Variants in CRB1 observed in about 807,000 individuals in gnomAD.
CRB1 encodes crumbs cell polarity complex component 1.
A neutral mutation model predicts 120.0 loss-of-function variants in CRB1; 83 were observed. That is an observed-to-expected ratio of 0.69 (90% CI 0.58 to 0.83). The LOEUF (loss-of-function observed/expected upper bound fraction) is 0.83. Among genes scored for constraint, CRB1 ranks in the 40% least tolerant of loss-of-function variants. CRB1 has a pLI of 0.00. For synonymous variants in CRB1, 625 were observed against 612.5 expected, an observed-to-expected ratio of 1.02 and a Z score of -0.30; for missense variants, 1,699 against 1,687.6, an observed-to-expected ratio of 1.01 and a Z score of -0.12.
chr1:197,245,240 T>C, the CRB1 span, among the ~76,000 whole-genome samples: 39 of 152,202 alleles, frequency 2.6e-4, no homozygotes, highest in Middle Eastern at 3.4e-3. Flanking sequence ...GGCCCCGGTG[T>C]GTGGAGACTT....
intron 9 of CRB1, among the ~76,000 whole-genome samples, chr1:197,436,362 G>T (rs1665163107): frequency 6.6e-6 from 1 of 151,994 alleles, no homozygotes; most frequent in African/African-American, 2.4e-5. Flanking sequence ...GGATGAAGAG[G>T]AAGAGAAGGG....
At chr1:197,351,933 A>G (rs573177738) in intron 4 of CRB1, among the ~76,000 whole-genome samples, 1 of 152,320 alleles carries the variant, frequency 6.6e-6, no homozygotes, top group African/African-American at 2.4e-5. Flanking sequence ...AAACTACTCT[A>G]TATCTAAGAA....
intron 11 of CRB1, among the ~76,000 whole-genome samples, chr1:197,469,343 T>C (rs1296929901): frequency 6.6e-6 from 1 of 152,078 alleles, no homozygotes; most frequent in Non-Finnish European, 1.5e-5. Flanking sequence ...TGGGGCTGGA[T>C]GGAGGATGTA....
At chr1:197,257,286 A>T in the CRB1 span, among the ~76,000 whole-genome samples, 10 of 152,138 alleles carry the variant, frequency 6.6e-5, no homozygotes, top group Non-Finnish European at 1.5e-4. Flanking sequence ...GGATTGGATG[A>T]TGCCCGCCCG....
chr1:197,289,205 T>A (rs1180668480), intron 1 of CRB1, among the ~76,000 whole-genome samples: 4 of 151,884 alleles, frequency 2.6e-5, no homozygotes, highest in African/African-American at 9.7e-5. Context: ...CCCATTTTCT[T>A]TCTTAATTAT....
At chr1:197,352,111 T>C (rs1044227563) in intron 4 of CRB1, among the ~76,000 whole-genome samples, 3 of 152,312 alleles carry the variant, frequency 2.0e-5, no homozygotes, top group Middle Eastern at 3.4e-3. Context: ...CCAGATGTGA[T>C]TGGAATTGTT....
chr1:197,322,244 G>A (rs1371854199), intron 1 of CRB1, among the ~76,000 whole-genome samples: 1 of 152,024 alleles, frequency 6.6e-6, no homozygotes, highest in Non-Finnish European at 1.5e-5. Flanking sequence ...ACATTGGGGG[G>A]CCGAGGTAGA....
At chr1:197,436,036 A>G (rs999745967) in intron 9 of CRB1, among the ~76,000 whole-genome samples, 3 of 152,072 alleles carry the variant, frequency 2.0e-5, no homozygotes, top group African/African-American at 7.2e-5. Flanking sequence ...AATCCCGAAA[A>G]CAGTACATTA....
At chr1:197,266,815 A>G (rs950209362), upstream of CRB1, among the ~76,000 whole-genome samples, 9 of 152,152 alleles carry the variant, frequency 5.9e-5, no homozygotes, top group African/African-American at 1.4e-4. Context: ...TTCTAATACC[A>G]TAAGATTCTT....
chr1:197,379,605 C>CAAA (rs75820081), intron 5 of CRB1, among the ~76,000 whole-genome samples: 1,665 of 73,958 alleles, frequency 0.023, 32 homozygotes, highest in African/African-American at 0.067. Context: ...CGGCCCCGGC[C>CAAA]AAAAAAAAAA....
At chr1:197,244,738 A>C in the CRB1 span, among the ~76,000 whole-genome samples, 1 of 151,646 alleles carries the variant, frequency 6.6e-6, no homozygotes, top group Non-Finnish European at 1.5e-5. Flanking sequence ...TTATTTCTTC[A>C]AATAGTTTTT....
At chr1:197,429,129 T>C in intron 7 of CRB1, 1 of 1,532,794 alleles carries the variant, frequency 6.5e-7, no homozygotes, top group South Asian at 1.2e-5. Context: ...CTTCCTCAAA[T>C]GATAATTAGT....
intron 5 of CRB1, among the ~76,000 whole-genome samples, chr1:197,372,926 C>T (rs1459033149): frequency 1.3e-5 from 2 of 152,126 alleles, no homozygotes; most frequent in Admixed American, 1.3e-4. Flanking sequence ...AGATTGTCAA[C>T]TGCAGCTGCT....
chr1:197,400,999 G>A (rs1390486573), intron 5 of CRB1, among the ~76,000 whole-genome samples: 1 of 151,848 alleles, frequency 6.6e-6, no homozygotes, highest in Non-Finnish European at 1.5e-5. Context: ...CATATACACA[G>A]AGAAATTGAA....
intron 1 of CRB1, among the ~76,000 whole-genome samples, chr1:197,298,941 A>T (rs1656703731): frequency 6.6e-6 from 1 of 152,302 alleles, no homozygotes; most frequent in Middle Eastern, 3.4e-3. Context: ...ATATTTCATT[A>T]CCTCAATGTA....
chr1:197,272,091 T>C (rs902548668), intron 1 of CRB1, among the ~76,000 whole-genome samples: 1 of 152,074 alleles, frequency 6.6e-6, no homozygotes, highest in African/African-American at 2.4e-5. Context: ...GAAGAACAAA[T>C]AGAGATTAAA....
At chr1:197,254,375 C>G in the CRB1 span, among the ~76,000 whole-genome samples, 1 of 152,100 alleles carries the variant, frequency 6.6e-6, no homozygotes, top group Non-Finnish European at 1.5e-5. Context: ...CTAAAGGTTT[C>G]AGTCCACAAA....
At chr1:197,451,129 T>C (rs950467681) in intron 11 of CRB1, among the ~76,000 whole-genome samples, 1 of 152,160 alleles carries the variant, frequency 6.6e-6, no homozygotes, top group East Asian at 1.9e-4. Flanking sequence ...AACATTCCAA[T>C]AGAATCTGAA....
At chr1:197,312,032 A>G (rs1657561417) in intron 1 of CRB1, among the ~76,000 whole-genome samples, 2 of 152,158 alleles carry the variant, frequency 1.3e-5, no homozygotes, top group South Asian at 4.1e-4. Flanking sequence ...TGTAAGTCGT[A>G]AGTAAATTAT....
Sources: gnomAD v4.1 joint callset for allele counts (sites outside exome capture counted in the v4.1 genomes callset) on GRCh38, gnomAD v4.1.1 for gene constraint, MANE v1.5 for transcripts, NCBI Gene and HGNC (gene_info 2026-07-23, HGNC 2026-07-21) for gene names.